Variants in PKN2 observed in about 807,000 individuals in gnomAD.
The protein encoded by PKN2 is serine/threonine-protein kinase N2.
In PKN2, 38 loss-of-function variants were observed where a neutral mutation model predicts 119.1. The observed-to-expected ratio is 0.32, with a 90% CI of 0.25 to 0.42. The LOEUF (loss-of-function observed/expected upper bound fraction) is 0.42, where lower values mean the gene tolerates loss of function less well. Among genes scored for constraint, PKN2 ranks in the 10% least tolerant of loss-of-function variants. The pLI is 1.00. For missense variants in PKN2, 850 were observed against 1,165.1 expected (o/e 0.73, Z 3.94); for synonymous variants, 390 against 384.9 (o/e 1.01, Z -0.15).
At chr1:88,758,346 T>C (rs952858929) in intron 2 of PKN2, among the ~76,000 whole-genome samples, 2 of 150,886 alleles carry the variant, frequency 1.3e-5, no homozygotes, top group African/African-American at 4.9e-5. Context: ...CCTAAAATCA[T>C]AGAAACCTAT....
intron 1 of PKN2, among the ~76,000 whole-genome samples, chr1:88,725,397 A>G (rs577322799): frequency 6.6e-6 from 1 of 152,250 alleles, no homozygotes; most frequent in African/African-American, 2.4e-5. Flanking sequence ...TTGGTGCTGT[A>G]TTTTCACAAG....
At chr1:88,797,408 C>T (rs1426540892) in intron 8 of PKN2, among the ~76,000 whole-genome samples, 1 of 151,650 alleles carries the variant, frequency 6.6e-6, no homozygotes, top group Non-Finnish European at 1.5e-5. Flanking sequence ...CTTTGGGAGG[C>T]TCAGGTGGGC....
intron 1 of PKN2, among the ~76,000 whole-genome samples, chr1:88,725,434 A>G (rs1667857421): frequency 6.6e-6 from 1 of 152,144 alleles, no homozygotes; most frequent in Non-Finnish European, 1.5e-5. Flanking sequence ...GTATTTCTTT[A>G]GCCATTTAAA....
intron 1 of PKN2, among the ~76,000 whole-genome samples, chr1:88,689,080 G>A (rs139069873): frequency 4.6e-5 from 7 of 152,192 alleles, no homozygotes; most frequent in Non-Finnish European, 7.3e-5. Context: ...GAAAGTGGAA[G>A]GTCTGAGTTG....
At chr1:88,773,080 TATAACA>T (rs1332044987) in intron 6 of PKN2, among the ~76,000 whole-genome samples, 1 of 152,186 alleles carries the variant, frequency 6.6e-6, no homozygotes, top group Non-Finnish European at 1.5e-5. Context: ...CTTTGTCTCC[TATAACA>T]ATATTTAATT....
At chr1:88,731,547 T>C (rs1187618689) in intron 1 of PKN2, among the ~76,000 whole-genome samples, 3 of 152,226 alleles carry the variant, frequency 2.0e-5, no homozygotes, top group Non-Finnish European at 2.9e-5. Context: ...TGACAGCTGG[T>C]TGCTTAGCTG....
intron 4 of PKN2, among the ~76,000 whole-genome samples, chr1:88,770,688 C>T (rs1669854765): frequency 6.6e-6 from 1 of 151,016 alleles, no homozygotes; most frequent in East Asian, 1.9e-4. Context: ...CGGGTTCACG[C>T]CATTCTCCTG....
intron 6 of PKN2, among the ~76,000 whole-genome samples, chr1:88,781,962 C>A (rs1049203836): frequency 6.6e-6 from 1 of 151,958 alleles, no homozygotes; most frequent in Non-Finnish European, 1.5e-5. Flanking sequence ...CACCTCCCAA[C>A]GTTAATAGCC....
At chr1:88,756,443 A>G (rs932956856) in intron 2 of PKN2, among the ~76,000 whole-genome samples, 2 of 152,184 alleles carry the variant, frequency 1.3e-5, no homozygotes, top group Admixed American at 6.5e-5. Context: ...TAGTAAGTGG[A>G]CAGCTTTCAT....
intron 15 of PKN2, among the ~76,000 whole-genome samples, chr1:88,809,232 T>C (rs563666229): frequency 2.0e-4 from 30 of 152,318 alleles, no homozygotes; most frequent in African/African-American, 7.2e-4. Flanking sequence ...TGCTGGATAT[T>C]TATAAAATAT....
chr1:88,810,673 C>T (rs557654939), intron 15 of PKN2, among the ~76,000 whole-genome samples: 1 of 152,150 alleles, frequency 6.6e-6, no homozygotes, highest in Non-Finnish European at 1.5e-5. Context: ...GTGGAGTGAT[C>T]TCGGCTCACT....
At chr1:88,684,670 C>T in intron 1 of PKN2, 42 bp downstream of exon 1, 13 of 1,469,196 alleles carry the variant, frequency 8.8e-6, no homozygotes, top group Non-Finnish European at 1.2e-5. Context: ...GCGGAGGAGA[C>T]AGGGAGAGAG....
intron 16 of PKN2, among the ~76,000 whole-genome samples, chr1:88,817,145 C>T (rs570163405): frequency 1.0e-3 from 154 of 152,252 alleles, no homozygotes; most frequent in Non-Finnish European, 1.9e-3. Context: ...ATGCAAAAAT[C>T]TTCAGTAAAA....
intron 1 of PKN2, among the ~76,000 whole-genome samples, chr1:88,722,758 G>C (rs1422296345): frequency 2.0e-5 from 3 of 151,572 alleles, no homozygotes; most frequent in South Asian, 2.1e-4. Flanking sequence ...GCTCTAGCTT[G>C]GGTGACAGTG....
At chr1:88,812,500 G>T (rs1479628328) in intron 15 of PKN2, among the ~76,000 whole-genome samples, 1 of 152,132 alleles carries the variant, frequency 6.6e-6, no homozygotes, top group African/African-American at 2.4e-5. Flanking sequence ...AGTACTTTGG[G>T]AGGCCAAGGC....
At chr1:88,756,207 T>C (rs1316343914) in intron 2 of PKN2, among the ~76,000 whole-genome samples, 2 of 152,206 alleles carry the variant, frequency 1.3e-5, no homozygotes, top group African/African-American at 4.8e-5. Context: ...GATATTTCAA[T>C]ATCTTAGTAC....
chr1:88,758,014 C>T (rs2100776516), intron 2 of PKN2, among the ~76,000 whole-genome samples: 1 of 133,542 alleles, frequency 7.5e-6, no homozygotes, highest in African/African-American at 3.0e-5. Flanking sequence ...GCACTACAAC[C>T]TGGGCGACAG....
chr1:88,818,711 G>A lies in PKN2; in HGVS notation c.2280-3230G>A, dbSNP rs1166247364. 4.6e-5 allele frequency among the ~76,000 whole-genome samples: 7 copies of A among 151,298 alleles called. No individual in the cohort carries two copies. The East Asian group carries it at 5.8e-4, about 13-fold the overall frequency. ...ATTTCACATGGAACCAAAAGAGCCCGTATAGCCAAGACAACGCTAAGCAAA... is the reference window on the plus strand; with the variant it reads ...ATTTCACATGGAACCAAAAGAGCCCATATAGCCAAGACAACGCTAAGCAAA... On this transcript the variant is annotated intron_variant, in intron 16 of 21. Coordinates refer to ENST00000370521, the MANE Select transcript of PKN2 (RefSeq NM_006256.4).
At chr1:88,739,866 G>A (rs1668506959) in intron 1 of PKN2, among the ~76,000 whole-genome samples, 1 of 152,046 alleles carries the variant, frequency 6.6e-6, no homozygotes, top group Admixed American at 6.5e-5. Context: ...CAATTTAGAG[G>A]TGTTCTCAAG....
Sources: gnomAD v4.1 joint callset for allele counts (sites outside exome capture counted in the v4.1 genomes callset) on GRCh38, gnomAD v4.1.1 for gene constraint, MANE v1.5 for transcripts, NCBI Gene and HGNC (gene_info 2026-07-23, HGNC 2026-07-21) for gene names.